LOC128706666: variants seen among roughly 807,000 people sequenced by gnomAD.
At chr20:10,429,376 T>C in the LOC128706666 span, among the ~76,000 whole-genome samples, 1 of 152,202 alleles carries the variant, frequency 6.6e-6, no homozygotes, top group Non-Finnish European at 1.5e-5. Flanking sequence ...TTTGGTAGTG[T>C]TTGTTTCCTG....
the LOC128706666 span, among the ~76,000 whole-genome samples, chr20:10,429,272 C>T: frequency 1.3e-5 from 2 of 152,166 alleles, no homozygotes; most frequent in African/African-American, 4.8e-5. Flanking sequence ...TCTTGAGACT[C>T]CTAAGTACTC....
chr20:10,423,865 C>T, the LOC128706666 span, among the ~76,000 whole-genome samples: 208 of 152,298 alleles, frequency 1.4e-3, 1 homozygote, highest in African/African-American at 4.7e-3. Context: ...AGACTCAGTA[C>T]AGTATTTCCT....
At chr20:10,431,041 C>T in the LOC128706666 span, among the ~76,000 whole-genome samples, 1 of 152,030 alleles carries the variant, frequency 6.6e-6, no homozygotes, top group African/African-American at 2.4e-5. Context: ...AAATAGGGGG[C>T]CACATTATGA....
the LOC128706666 span, chr20:10,433,995 G>A: frequency 0.061 from 9,276 of 152,402 alleles, 406 homozygotes; most frequent in African/African-American, 0.11. Flanking sequence ...ATATCCTTCA[G>A]TGAGGACACC....
the LOC128706666 span, among the ~76,000 whole-genome samples, chr20:10,414,624 A>G: frequency 6.6e-6 from 1 of 152,140 alleles, no homozygotes; most frequent in Admixed American, 6.5e-5. Context: ...AAGATTTAAT[A>G]TTATGTTTTT....
chr20:10,426,485 C>T, the LOC128706666 span, among the ~76,000 whole-genome samples: 2,852 of 152,062 alleles, frequency 0.019, 52 homozygotes, highest in Non-Finnish European at 0.032. Flanking sequence ...GGCTCACCTC[C>T]GCATGCCAGA....
chr20:10,420,434 A>G, the LOC128706666 span: 1 of 152,346 alleles, frequency 6.6e-6, no homozygotes. Context: ...TAACTTACCA[A>G]TTTAGGCTTT....
chr20:10,426,820 C>A, the LOC128706666 span, among the ~76,000 whole-genome samples: 1 of 152,082 alleles, frequency 6.6e-6, no homozygotes, highest in Non-Finnish European at 1.5e-5. Context: ...AATTAGAGGG[C>A]AAAAGAGTCT....
the LOC128706666 span, among the ~76,000 whole-genome samples, chr20:10,424,835 T>C: frequency 6.6e-6 from 1 of 152,088 alleles, no homozygotes; most frequent in African/African-American, 2.4e-5. Flanking sequence ...GTGGATCACC[T>C]GAGGTCAGGA....
chr20:10,424,482 C>T, the LOC128706666 span, among the ~76,000 whole-genome samples: 1 of 151,984 alleles, frequency 6.6e-6, no homozygotes, highest in Admixed American at 6.6e-5. Context: ...GAAAAATCTC[C>T]AGTACATTGG....
the LOC128706666 span, among the ~76,000 whole-genome samples, chr20:10,414,674 C>G: frequency 1.3e-5 from 2 of 152,138 alleles, no homozygotes; most frequent in Non-Finnish European, 2.9e-5. Context: ...TAGGTTTGAA[C>G]AGAAGTGCAT....
the LOC128706666 span, among the ~76,000 whole-genome samples, chr20:10,417,192 A>G: frequency 6.6e-6 from 1 of 150,710 alleles, no homozygotes; most frequent in African/African-American, 2.4e-5. Context: ...CAGAGGTTGC[A>G]GTGAGCCGAC....
chr20:10,419,335 A>T, the LOC128706666 span, among the ~76,000 whole-genome samples: 1 of 152,170 alleles, frequency 6.6e-6, no homozygotes, highest in Non-Finnish European at 1.5e-5. Flanking sequence ...AGATTTTATA[A>T]ATACAATATA....
At chr20:10,421,619 G>A in the LOC128706666 span, among the ~76,000 whole-genome samples, 1 of 152,054 alleles carries the variant, frequency 6.6e-6, no homozygotes, top group Non-Finnish European at 1.5e-5. Flanking sequence ...CAGAATGAAT[G>A]TAATGCCATT....
the LOC128706666 span, chr20:10,413,711 G>T: frequency 1.6e-6 from 1 of 623,704 alleles, no homozygotes; most frequent in Non-Finnish European, 2.8e-6. Context: ...TGACAAATTA[G>T]TAATTCCAAA....
chr20:10,429,351 T>C, the LOC128706666 span, among the ~76,000 whole-genome samples: 1 of 152,302 alleles, frequency 6.6e-6, no homozygotes, highest in African/African-American at 2.4e-5. Flanking sequence ...TATTCATCCT[T>C]ATCAAAGATC....
the LOC128706666 span, among the ~76,000 whole-genome samples, chr20:10,414,265 C>CTT: frequency 8.3e-5 from 11 of 132,342 alleles, no homozygotes; most frequent in African/African-American, 2.0e-4. Flanking sequence ...GTCTCTGAGT[C>CTT]TTTTTTTTTT....
the LOC128706666 span, among the ~76,000 whole-genome samples, chr20:10,424,630 G>A: frequency 1.8e-3 from 272 of 152,190 alleles, 7 homozygotes; most frequent in South Asian, 0.045. Context: ...GGTAGTTAGC[G>A]AGGTAATGTG....
the LOC128706666 span, among the ~76,000 whole-genome samples, chr20:10,433,216 G>C: frequency 0.011 from 1,694 of 152,320 alleles, 28 homozygotes; most frequent in African/African-American, 0.039. Context: ...ACGTTGGCCT[G>C]GCTGGCCCCA....
Sources: allele counts gnomAD v4.1 joint callset (sites outside exome capture counted in the v4.1 genomes callset), GRCh38; gene constraint gnomAD v4.1.1; transcripts MANE v1.5.